Variants in ZNF407 observed in about 807,000 individuals in gnomAD.
ZNF407 encodes the protein zinc finger protein 407.
ZNF407 carries 17 observed loss-of-function variants against 131.2 expected under a neutral mutation model. The ratio of observed to expected loss-of-function variants is 0.13; its 90% CI spans 0.09 to 0.19. ZNF407 has a LOEUF of 0.19. Ranked by LOEUF, ZNF407 falls within the 10% of genes least tolerant of loss-of-function variation. ZNF407 has a pLI of 1.00. For synonymous variants in ZNF407, 1,156 were observed against 1,062.0 expected (o/e 1.09, Z -1.72); for missense variants, 2,681 against 2,830.6 (o/e 0.95, Z 1.20).
At chr18:74,863,668 A>G (rs890701603) in intron 4 of ZNF407, among the ~76,000 whole-genome samples, 6 of 152,198 alleles carry the variant, frequency 3.9e-5, no homozygotes, top group Non-Finnish European at 7.3e-5. Flanking sequence ...GCAGCGAATT[A>G]AAGGACCAGA....
At chr18:74,891,203 G>A (rs116697475) in intron 7 of ZNF407, among the ~76,000 whole-genome samples, 1 of 152,254 alleles carries the variant, frequency 6.6e-6, no homozygotes, top group African/African-American at 2.4e-5. Flanking sequence ...CCCATGTGAT[G>A]GTCTGTGGGA....
intron 3 of ZNF407, among the ~76,000 whole-genome samples, chr18:74,768,447 T>C (rs1969290183): frequency 6.6e-6 from 1 of 152,248 alleles, no homozygotes; most frequent in Non-Finnish European, 1.5e-5. Context: ...ATCCCTTTTT[T>C]GGTGGATTTA....
At chr18:74,812,754 C>T (rs571667086) in intron 4 of ZNF407, among the ~76,000 whole-genome samples, 2 of 152,232 alleles carry the variant, frequency 1.3e-5, no homozygotes, top group African/African-American at 4.8e-5. Context: ...GTCTCTCATG[C>T]TATGATCTGT....
chr18:74,847,561 CTT>C (rs958599702), intron 4 of ZNF407, among the ~76,000 whole-genome samples: 4 of 151,876 alleles, frequency 2.6e-5, no homozygotes, highest in African/African-American at 9.7e-5. Context: ...CTTTTTTTCT[CTT>C]TTGGCAAACA....
At chr18:75,050,335 A>G (rs1479911900) in intron 8 of ZNF407, among the ~76,000 whole-genome samples, 1 of 152,224 alleles carries the variant, frequency 6.6e-6, no homozygotes, top group African/African-American at 2.4e-5. Context: ...TAAGAAAACA[A>G]GATTTAATAA....
At chr18:74,910,999 A>G (rs548294973) in intron 7 of ZNF407, among the ~76,000 whole-genome samples, 1 of 152,216 alleles carries the variant, frequency 6.6e-6, no homozygotes, top group South Asian at 2.1e-4. Context: ...TAGAATTGTA[A>G]TATGTGTGTG....
At chr18:74,657,238 ATT>A (rs901974801) in intron 3 of ZNF407, among the ~76,000 whole-genome samples, 1 of 152,062 alleles carries the variant, frequency 6.6e-6, no homozygotes, top group African/African-American at 2.4e-5. Context: ...TTCTTGAAAT[ATT>A]TTTTGTATAA....
chr18:74,718,813 G>A (rs760020255), intron 3 of ZNF407, among the ~76,000 whole-genome samples: 12 of 151,806 alleles, frequency 7.9e-5, no homozygotes, highest in Admixed American at 3.3e-4. Context: ...AATTTTCTTC[G>A]TTAAGTAATT....
chr18:74,851,172 T>C (rs1970777960), intron 4 of ZNF407, among the ~76,000 whole-genome samples: 1 of 152,226 alleles, frequency 6.6e-6, no homozygotes, highest in African/African-American at 2.4e-5. Context: ...GACTGATTAT[T>C]CAAACGTCTT....
At chr18:75,060,829 C>CAT (rs959361467) in intron 8 of ZNF407, among the ~76,000 whole-genome samples, 62 of 152,212 alleles carry the variant, frequency 4.1e-4, no homozygotes, top group African/African-American at 1.4e-3. Flanking sequence ...GACAAAATTC[C>CAT]ATACCCTTTC....
intron 3 of ZNF407, among the ~76,000 whole-genome samples, chr18:74,672,637 C>A (rs1366032795): frequency 6.6e-6 from 1 of 151,714 alleles, no homozygotes; most frequent in Non-Finnish European, 1.5e-5. Context: ...ACTGTTTATT[C>A]ATTGGAGCAC....
intron 8 of ZNF407, among the ~76,000 whole-genome samples, chr18:75,046,238 C>A (rs1209651570): frequency 6.6e-6 from 1 of 152,124 alleles, no homozygotes; most frequent in Non-Finnish European, 1.5e-5. Context: ...CAACATGGGA[C>A]CAATCACTGT....
chr18:74,985,067 G>A (rs766353969), intron 8 of ZNF407, among the ~76,000 whole-genome samples: 1 of 152,116 alleles, frequency 6.6e-6, no homozygotes, highest in Non-Finnish European at 1.5e-5. Context: ...CCCAAAGACC[G>A]AATGCATTGT....
chr18:74,877,206 A>G lies in ZNF407; in HGVS notation c.4887A>G (p.Thr1629=). 2 of 1,613,962 alleles carry G rather than the reference A, an allele frequency of 1.2e-6. No homozygotes were observed. The highest frequency in any genetic ancestry group is 2.2e-5 in the East Asian group (1 of 44,878). Residue 1629 remains threonine, a synonymous_variant, in exon 5 of 9, where the codon ACA becomes ACG. Transcript: ENST00000299687. ...GVGTPKERKF[T]CHLCDRSFTE... ...TCTCTCCTTCATGCAGGAAATTTAC[A>G]TGCCACTTATGTGATAGAAGTTTCA...
At chr18:74,712,569 CT>C (rs1257536967) in intron 3 of ZNF407, among the ~76,000 whole-genome samples, 1 of 152,194 alleles carries the variant, frequency 6.6e-6, no homozygotes, top group Non-Finnish European at 1.5e-5. Context: ...TTTTCTGAGG[CT>C]TTCCTGTGGA....
intron 2 of ZNF407, among the ~76,000 whole-genome samples, chr18:74,638,587 AGACCTG>A (rs1984566955): frequency 6.6e-6 from 1 of 152,218 alleles, no homozygotes; most frequent in South Asian, 2.1e-4. Flanking sequence ...GCCTGAGTGA[AGACCTG>A]GATTTTAAAG....
Position 75,048,015 on chromosome 18 carries a change from G to A in ZNF407, c.5429-15135G>A, listed in dbSNP as rs896894797. Among the ~76,000 whole-genome samples the A allele has an allele frequency of 2.0e-5, 3 of 152,208 alleles. No homozygotes were observed. On this transcript the variant is annotated intron_variant, in intron 8 of 8. Coordinates refer to ENST00000299687, the MANE Select transcript of ZNF407 (RefSeq NM_017757.3). The surrounding 1 kb of genome is among the most constrained non-coding windows in gnomAD (Gnocchi z 4.1). ...TTCTTTTCTTCGTTATAGTAATGAA[G>A]CCACTAATCAGACAGCCTTATATTG...
chr18:74,914,840 C>A (rs1971725294), intron 7 of ZNF407, among the ~76,000 whole-genome samples: 1 of 152,124 alleles, frequency 6.6e-6, no homozygotes, highest in Admixed American at 6.5e-5. Context: ...TTGAAGGTGA[C>A]AGTTCTTAGT....
intron 3 of ZNF407, among the ~76,000 whole-genome samples, chr18:74,745,008 C>G (rs918356439): frequency 6.6e-6 from 1 of 151,974 alleles, no homozygotes; most frequent in Non-Finnish European, 1.5e-5. Context: ...TATTACTCAG[C>G]ATTTCTTAGA....
Sources: allele counts gnomAD v4.1 joint callset (sites outside exome capture counted in the v4.1 genomes callset), GRCh38; gene constraint gnomAD v4.1.1; non-coding constraint Gnocchi (gnomAD v3.1); transcripts MANE v1.5; gene names NCBI Gene and HGNC (gene_info 2026-07-23, HGNC 2026-07-21).